Variants in NAPA observed in about 807,000 individuals in gnomAD.
NAPA encodes the protein alpha-soluble NSF attachment protein.
Under a neutral mutation model 48.0 loss-of-function variants are expected in NAPA, and 18 were observed. The ratio of observed to expected loss-of-function variants is 0.38; its 90% confidence interval spans 0.26 to 0.56. NAPA has a LOEUF of 0.56. NAPA is among the 20% of genes least tolerant of loss of function. NAPA has a pLI of 0.77. For synonymous variants in NAPA, 152 were observed against 149.9 expected (o/e 1.01, Z -0.10); for missense variants, 315 against 385.0 (o/e 0.82, Z 1.52).
chr19:47,488,916 C>CA (rs71334209), intron 10 of NAPA: 17,418 of 95,046 alleles, frequency 0.18, 1,206 homozygotes, highest in Admixed American at 0.3. Flanking sequence ...GACTCCGTCT[C>CA]AAAAAAAAAA....
At position 47,493,104 on chromosome 19, in the gene NAPA, C is replaced by T; in HGVS notation, c.476+15G>A. 1 of 1,613,824 alleles carries T rather than the reference C, an allele frequency of 6.2e-7. No individual in the cohort carries two copies. Among genetic ancestry groups the T allele is most frequent in the East Asian group, 2.2e-5 (1 of 44,868 alleles). ...GCGGTCCCTGCGGGGCTGGGGCAGG[C>T]AGGAAGGGGGCTACCTGTTGGACTC... On this transcript the variant is annotated intron_variant, in intron 6 of 10. Coordinates refer to ENST00000263354, the MANE Select transcript of NAPA (RefSeq NM_003827.4). This position sits in a 1 kb window ranked among gnomAD's most constrained non-coding sequence, Gnocchi z 6.4.
chr19:47,506,076 C>A lies in NAPA; in HGVS notation c.99-2574G>T, dbSNP rs1403169847. Among the ~76,000 whole-genome samples the A allele has an allele frequency of 6.6e-6, 1 of 150,434 alleles. No homozygotes were observed. The highest frequency in any genetic ancestry group is 1.9e-4 in the East Asian group (1 of 5,140). On this transcript the variant is annotated intron_variant, in intron 1 of 10. Transcript: ENST00000263354. This position sits in a 1 kb window ranked among gnomAD's most constrained non-coding sequence, Gnocchi z 4.0. ...ACAGTGGCACGATCTCAGCTTACTG[C>A]AACCTCCAACTCCCGGGTTCAAGCA...
intron 8 of NAPA, 159 bp from the exon 9 acceptor site, chr19:47,491,015 A>G: frequency 3.4e-6 from 2 of 587,784 alleles, no homozygotes; most frequent in Non-Finnish European, 6.0e-6. Context: ...GTCTGTCAGT[A>G]CCTTCCCGTA....
chr19:47,504,711 A>G (rs1599914117), intron 1 of NAPA, among the ~76,000 whole-genome samples: 1 of 151,992 alleles, frequency 6.6e-6, no homozygotes, highest in South Asian at 2.1e-4. Context: ...ATGTGTGTAT[A>G]TATCTATACA....
At chr19:47,513,030 A>C (rs1968835065) in intron 1 of NAPA, among the ~76,000 whole-genome samples, 1 of 151,668 alleles carries the variant, frequency 6.6e-6, no homozygotes. Context: ...TGTTCTCTCT[A>C]CAAGCCCACT....
intron 2 of NAPA, chr19:47,501,396 A>G (rs1205834800): frequency 6.6e-6 from 1 of 152,246 alleles, no homozygotes; most frequent in Non-Finnish European, 1.5e-5. Flanking sequence ...AGCTCCCCAA[A>G]GCTCTTCCTG....
chr19:47,497,196 G>C (rs1968450315), intron 3 of NAPA: 1 of 190,340 alleles, frequency 5.3e-6, no homozygotes, highest in Non-Finnish European at 1.1e-5. Context: ...GAGGCCCCGG[G>C]CTGCTCACTG....
At position 47,515,018 on chromosome 19, in the gene NAPA, A is replaced by C. The variant is rs1044165372; in HGVS notation, c.-78T>G. The C allele has an allele frequency of 7.0e-7, 1 of 1,438,846 alleles. No homozygotes were observed. The highest frequency in any genetic ancestry group is 1.4e-5 in the African/African-American group (1 of 70,234). 89.1% of individuals were successfully genotyped at this position (1,438,846 alleles called of 1,614,324 possible). ...CAGCCGCGGCCGGGCCGCGGAACAC[A>C]GATCGGTAAAACTCGCCCGGCTGCG... On this transcript the variant is annotated 5_prime_UTR_variant, in exon 1 of 11. Coordinates refer to ENST00000263354, the MANE Select transcript of NAPA (RefSeq NM_003827.4).
At position 47,493,155 on chromosome 19, in the gene NAPA, T is replaced by G. The variant is rs1008010442; in HGVS notation, c.440A>C (p.Gln147Pro). 1.2e-6 allele frequency: 2 copies of G among 1,601,566 alleles called. No homozygotes were observed. Among genetic ancestry groups the G allele is most frequent in the Non-Finnish European group, 1.7e-6 (2 of 1,172,402 alleles). ...CTCGCCTTTGTAGTAGTCTGCAGAC[T>G]GCTCGTAGTGGGCAATGGCCTGGGG... ...DIEKAIAHYE[Q>P]SADYYKGEES... Residue 147 changes from glutamine (Q) to proline (P), a missense_variant, in exon 6 of 11, where the codon CAG becomes CCG. Physicochemically the swap from Gln to Pro is moderately conservative, Grantham distance 76. Transcript: ENST00000263354. This position sits in a 1 kb window ranked among gnomAD's most constrained non-coding sequence, Gnocchi z 6.4.
downstream of NAPA, among the ~76,000 whole-genome samples, chr19:47,486,077 C>T (rs895214265): frequency 3.9e-5 from 6 of 152,164 alleles, no homozygotes; most frequent in Non-Finnish European, 7.4e-5. Context: ...CAAAACAGGC[C>T]GGGCCTGGTG....
chr19:47,500,837 G>C (rs1226089073), intron 2 of NAPA, 88 bp from the exon 3 acceptor site: 3 of 1,041,142 alleles, frequency 2.9e-6, no homozygotes, highest in Admixed American at 2.9e-5. Flanking sequence ...AGGTGGGTCG[G>C]GCTCTCGAGA....
chr19:47,508,003 A>G (rs995699386), intron 1 of NAPA, among the ~76,000 whole-genome samples: 2 of 152,122 alleles, frequency 1.3e-5, no homozygotes, highest in African/African-American at 2.4e-5. Context: ...GAGGGAGGAC[A>G]AGGTCCCTGC....
At chr19:47,498,036 T>C (rs1968475357) in intron 3 of NAPA, among the ~76,000 whole-genome samples, 1 of 152,172 alleles carries the variant, frequency 6.6e-6, no homozygotes, top group South Asian at 2.1e-4. Flanking sequence ...AGCATCACCC[T>C]TCCCCACCCA....
intron 3 of NAPA, among the ~76,000 whole-genome samples, chr19:47,498,938 C>A (rs1366321096): frequency 6.6e-6 from 1 of 152,226 alleles, no homozygotes; most frequent in Non-Finnish European, 1.5e-5. Flanking sequence ...TTCAGAACTG[C>A]CCCCTTTCTT....
At position 47,493,369 on chromosome 19, in the gene NAPA, GCA is replaced by G; in HGVS notation, c.420+45_420+46del. 6.3e-7 allele frequency: 1 copy of G among 1,597,076 alleles called. No individual in the cohort carries two copies. The highest frequency in any genetic ancestry group is 8.6e-7 in the Non-Finnish European group (1 of 1,165,258). On this transcript the variant is annotated intron_variant, in intron 5 of 10. Transcript: ENST00000263354. This position sits in a 1 kb window ranked among gnomAD's most constrained non-coding sequence, Gnocchi z 6.4. Reference sequence around the variant, plus strand: ...CCCCTGGTGGGAAGAAGAGAGAGCAGCACTGGTCCTGGCTGCCAGCCCATGCA... The same window carrying G: ...CCCCTGGTGGGAAGAAGAGAGAGCAGCTGGTCCTGGCTGCCAGCCCATGCA...
At chr19:47,504,954 G>C (rs1388808424) in intron 1 of NAPA, among the ~76,000 whole-genome samples, 1 of 152,044 alleles carries the variant, frequency 6.6e-6, no homozygotes, top group East Asian at 1.9e-4. Flanking sequence ...AAACATAAAG[G>C]GTACCCTGTT....
chr19:47,486,731 A>C (rs830150), downstream of NAPA, among the ~76,000 whole-genome samples: 96,237 of 152,128 alleles, frequency 0.63, 35,480 homozygotes, highest in Non-Finnish European at 0.82. Context: ...CAGACATGGT[A>C]ATCAATTTCA....
chr19:47,492,615 G>A (rs1009568883), intron 7 of NAPA: 1 of 448,140 alleles, frequency 2.2e-6, no homozygotes. Flanking sequence ...GGGCCATGGG[G>A]TGGGGTGCCC....
Position 47,493,033 on chromosome 19 carries a change from C to A in NAPA, c.489G>T (p.Lys163Asn). The A allele has an allele frequency of 6.2e-7, 1 of 1,614,164 alleles. No homozygotes were observed. The highest frequency in any genetic ancestry group is 8.5e-7 in the Non-Finnish European group (1 of 1,180,008). The change falls in exon 7 of 11, where the codon AAG becomes AAT. Residue 163 changes from lysine (K) to asparagine (N), a missense_variant. Lys to Asn is a moderately conservative substitution (Grantham distance 94). This residue lies in a region of NAPA where 173 missense variants were observed against 213.5 expected (regional missense o/e 0.81). Transcript: ENST00000263354. This position sits in a 1 kb window ranked among gnomAD's most constrained non-coding sequence, Gnocchi z 6.4. ...CGTAACCAGCCACCTTCAGCAGACA[C>A]TTGTTGGCTGAGCTGTGTGGGGAGG... is the stretch of plus-strand genomic sequence containing the variant. ...KGEESNSSAN[K>N]CLLKVAGYAA...
Sources: allele counts gnomAD v4.1 joint callset (sites outside exome capture counted in the v4.1 genomes callset), GRCh38; gene constraint gnomAD v4.1.1; regional missense constraint gnomAD v4.1.1; non-coding constraint Gnocchi (gnomAD v3.1); transcripts MANE v1.5; gene names NCBI Gene and HGNC (gene_info 2026-07-23, HGNC 2026-07-21).